Variants in DPF3 observed in about 807,000 individuals in gnomAD.
DPF3 encodes double PHD fingers 3, also known as zinc finger protein DPF3.
Under a neutral mutation model 56.8 loss-of-function variants are expected in DPF3, and 18 were observed. That is an observed-to-expected ratio of 0.32 (90% CI 0.22 to 0.47). The LOEUF (loss-of-function observed/expected upper bound fraction) is 0.47. DPF3 is among the 20% of genes least tolerant of loss of function. The probability of loss-of-function intolerance (pLI) is 1.00; values close to 1 mark genes in which losing one functional copy is unlikely to be tolerated. For synonymous variants in DPF3, 188 were observed against 180.2 expected, an observed-to-expected ratio of 1.04 and a Z score of -0.35; for missense variants, 403 against 488.8, an observed-to-expected ratio of 0.82 and a Z score of 1.65.
intron 3 of DPF3, among the ~76,000 whole-genome samples, chr14:72,746,826 C>G (rs533427897): frequency 6.6e-6 from 1 of 152,360 alleles, no homozygotes; most frequent in East Asian, 1.9e-4. Context: ...ATCACAGATA[C>G]AAGACGCCAT....
intron 5 of DPF3, among the ~76,000 whole-genome samples, chr14:72,723,040 A>ATT (rs893261503): frequency 7.8e-6 from 1 of 128,222 alleles, no homozygotes; most frequent in African/African-American, 5.1e-5. Context: ...TGGTTTATTT[A>ATT]TTTTTTTTAT....
At chr14:72,756,421 T>C (rs897300652) in intron 2 of DPF3, among the ~76,000 whole-genome samples, 4 of 152,160 alleles carry the variant, frequency 2.6e-5, no homozygotes, top group African/African-American at 7.2e-5. Context: ...TTATGCACAT[T>C]GCACAAGTTC....
At chr14:72,632,585 G>GAGAGAGGAAGGAGGGAAGGA (rs1885228798) in intron 8 of DPF3, among the ~76,000 whole-genome samples, 1 of 149,112 alleles carries the variant, frequency 6.7e-6, no homozygotes. Context: ...AAAAAGGAGA[G>GAGAGAGGAAGGAGGGAAGGA]AGAGAGGAAG....
At chr14:72,631,539 G>A (rs1270245805) in intron 8 of DPF3, among the ~76,000 whole-genome samples, 3 of 152,158 alleles carry the variant, frequency 2.0e-5, no homozygotes, top group Non-Finnish European at 4.4e-5. Context: ...ACCACTGAGA[G>A]CATGAACATG....
chr14:72,623,823 T>G (rs1388336008), intron 9 of DPF3, among the ~76,000 whole-genome samples: 1 of 152,194 alleles, frequency 6.6e-6, no homozygotes, highest in African/African-American at 2.4e-5. Context: ...CCATATTATG[T>G]TCTCTAAAGA....
At chr14:72,787,685 G>A (rs1306926835) in intron 1 of DPF3, among the ~76,000 whole-genome samples, 1 of 152,168 alleles carries the variant, frequency 6.6e-6, no homozygotes, top group Non-Finnish European at 1.5e-5. Context: ...GCTGATAAAT[G>A]ATAAAGTCAC....
intron 1 of DPF3, among the ~76,000 whole-genome samples, chr14:72,796,278 G>T (rs749117190): frequency 1.3e-5 from 2 of 152,188 alleles, no homozygotes; most frequent in African/African-American, 2.4e-5. Flanking sequence ...GAGGCAGGCA[G>T]ATCACTTGAG....
intron 7 of DPF3, among the ~76,000 whole-genome samples, chr14:72,688,276 T>G (rs1198712875): frequency 3.1e-5 from 1 of 32,732 alleles, no homozygotes; most frequent in Non-Finnish European, 5.4e-5. Flanking sequence ...GATGAGTGGG[T>G]GGGTGGGTGG....
At chr14:72,708,718 C>G (rs559884364) in intron 6 of DPF3, among the ~76,000 whole-genome samples, 5 of 152,320 alleles carry the variant, frequency 3.3e-5, no homozygotes, top group African/African-American at 1.2e-4. Context: ...GCCTTGGGCT[C>G]AAGCTTTTGT....
chr14:72,766,105 T>C (rs1022055898), intron 2 of DPF3, among the ~76,000 whole-genome samples: 23 of 152,306 alleles, frequency 1.5e-4, no homozygotes, highest in African/African-American at 5.5e-4. Context: ...GTTCCACAGG[T>C]GAATATATGT....
At chr14:72,801,907 G>C (rs1328858006) in intron 1 of DPF3, among the ~76,000 whole-genome samples, 1 of 152,170 alleles carries the variant, frequency 6.6e-6, no homozygotes, top group Admixed American at 6.5e-5. Context: ...ATCAAAGAAG[G>C]CTAGCTGCCA....
chr14:72,724,021 G>A lies in DPF3; in HGVS notation c.430-293C>T, dbSNP rs150453357. 6.2e-3 allele frequency: 1,636 copies of A among 263,556 alleles called. 9 individuals are homozygous for A. Among genetic ancestry groups the A allele is most frequent in the Middle Eastern group, 0.019 (18 of 930 alleles). 16.3% of individuals were successfully genotyped at this position (263,556 alleles called of 1,614,324 possible). A position where few individuals can be genotyped will look rare whatever the true frequency, so the allele number is the denominator to read the frequency against. ...TTCTAACAAGAGACTATGCTGGTAG[G>A]GGCCCTTTTCTATGTGGGGCCAAAA... is the stretch of plus-strand genomic sequence containing the variant. On this transcript the variant is annotated intron_variant, in intron 4 of 10. Coordinates refer to ENST00000556509, the MANE Select transcript of DPF3 (RefSeq NM_001280542.3).
intron 8 of DPF3, chr14:72,662,327 C>T: frequency 1.0e-6 from 1 of 984,830 alleles, no homozygotes; most frequent in East Asian, 1.1e-4. Flanking sequence ...TTTTATTTTA[C>T]ATTAAGTACT....
At chr14:72,842,001 C>T (rs1202900727) in intron 1 of DPF3, among the ~76,000 whole-genome samples, 1 of 151,152 alleles carries the variant, frequency 6.6e-6, no homozygotes, top group Non-Finnish European at 1.5e-5. Context: ...GTAGGAGGAT[C>T]GCTTGAGCCC....
At position 72,618,146 on chromosome 14, in the gene DPF3, C is replaced by A. The variant is rs1884204740; in HGVS notation, c.*1151G>T. 6.6e-6 allele frequency among the ~76,000 whole-genome samples: 1 copy of A among 152,072 alleles called. No individual in the cohort carries two copies. Among genetic ancestry groups the A allele is most frequent in the Admixed American group, 6.5e-5 (1 of 15,282 alleles). ...CACTGAGAGTTCTAAAATGTGGCCACCCTGGTCGTGAATAATGACCATGTC... is the reference window on the plus strand; with the variant it reads ...CACTGAGAGTTCTAAAATGTGGCCAACCTGGTCGTGAATAATGACCATGTC... On this transcript the variant is annotated 3_prime_UTR_variant, in exon 11 of 11. Coordinates refer to ENST00000556509, the MANE Select transcript of DPF3 (RefSeq NM_001280542.3).
chr14:72,772,638 A>C (rs1891580728), intron 1 of DPF3, among the ~76,000 whole-genome samples: 1 of 152,186 alleles, frequency 6.6e-6, no homozygotes, highest in Non-Finnish European at 1.5e-5. Context: ...AGCACAGTAT[A>C]TTTTACGTTC....
intron 1 of DPF3, among the ~76,000 whole-genome samples, chr14:72,796,033 G>T (rs1296971640): frequency 2.6e-5 from 4 of 152,162 alleles, no homozygotes; most frequent in African/African-American, 9.7e-5. Context: ...TAGGACCAAA[G>T]GAACGAAGAC....
At chr14:72,892,002 G>C in intron 1 of DPF3, 13 of 465,886 alleles carry the variant, frequency 2.8e-5, no homozygotes, top group Middle Eastern at 8.3e-4. Context: ...ACCCTACACA[G>C]ACTCCCTCCC....
intron 1 of DPF3, among the ~76,000 whole-genome samples, chr14:72,795,292 AAAAATAT>A (rs1301509774): frequency 3.2e-3 from 315 of 99,540 alleles, no homozygotes; most frequent in African/African-American, 8.6e-3. Context: ...AAAAAAAAAA[AAAAATAT>A]ATATATATAT....
Sources: allele counts gnomAD v4.1 joint callset (sites outside exome capture counted in the v4.1 genomes callset), GRCh38; gene constraint gnomAD v4.1.1; transcripts MANE v1.5; gene names NCBI Gene and HGNC (gene_info 2026-07-23, HGNC 2026-07-21).